The following SLC45A4 variants were observed in gnomAD, a reference collection of about 807,000 sequenced individuals.
The protein encoded by SLC45A4 is solute carrier family 45 member 4.
In SLC45A4, 32 loss-of-function variants were observed where a neutral mutation model predicts 63.7. The observed-to-expected ratio is 0.50, with a 90% CI of 0.38 to 0.67. The LOEUF is 0.67. SLC45A4 is among the 30% of genes least tolerant of loss of function. SLC45A4 has a pLI of 0.00. For missense variants in SLC45A4, 1,027 were observed against 1,157.7 expected (o/e 0.89, Z 1.64); for synonymous variants, 535 against 510.0 (o/e 1.05, Z -0.66).
intron 1 of SLC45A4, among the ~76,000 whole-genome samples, chr8:141,268,710 G>A (rs1432185399): frequency 6.6e-6 from 1 of 152,212 alleles, no homozygotes; most frequent in Non-Finnish European, 1.5e-5. Context: ...GTGTTAGGAA[G>A]AAACCAAAAC....
intron 1 of SLC45A4, among the ~76,000 whole-genome samples, chr8:141,268,820 G>A (rs1407828584): frequency 1.3e-5 from 2 of 152,078 alleles, no homozygotes; most frequent in African/African-American, 2.4e-5. Context: ...GTGTCCTATC[G>A]TGGAGGCGCC....
intron 1 of SLC45A4, among the ~76,000 whole-genome samples, chr8:141,269,594 G>A (rs1004306070): frequency 4.6e-5 from 7 of 151,500 alleles, no homozygotes; most frequent in Admixed American, 1.3e-4. Context: ...GTGTGTGGGT[G>A]TGTCTGTGTA....
chr8:141,264,515 T>C lies in SLC45A4; in HGVS notation c.-400-9886A>G, dbSNP rs546489514. 1.9e-3 allele frequency among the ~76,000 whole-genome samples: 287 copies of C among 152,308 alleles called. No homozygotes were observed. In the Middle Eastern group the frequency reaches 0.027, roughly 14 times the overall value. On this transcript the variant is annotated intron_variant, in intron 1 of 8. Coordinates refer to ENST00000517878, the MANE Select transcript of SLC45A4 (RefSeq NM_001286646.2). ...CAGTGCTGTCCTAATAATTCTCTCATGTTTATTGCCAAGAACTTTATGAGC... is the reference window on the plus strand; with the variant it reads ...CAGTGCTGTCCTAATAATTCTCTCACGTTTATTGCCAAGAACTTTATGAGC...
chr8:141,249,500 A>G (rs997428350), intron 2 of SLC45A4, among the ~76,000 whole-genome samples: 6 of 152,158 alleles, frequency 3.9e-5, no homozygotes, highest in African/African-American at 1.4e-4. Context: ...AGTTACATCA[A>G]TTCCCGAACA....
At chr8:141,304,605 C>T (rs1830846032) in intron 1 of SLC45A4, among the ~76,000 whole-genome samples, 1 of 151,378 alleles carries the variant, frequency 6.6e-6, no homozygotes, top group Admixed American at 6.6e-5. Flanking sequence ...CTCTCCCTCT[C>T]ACCTGAAGTC....
rs1352750756 is a variant in SLC45A4 at position 141,209,221 on chromosome 8, A to C, written c.*2351T>G. ...CGTCTGAGGTACAAGGTTAGAAGCC[A>C]CAGACACCCGAGCTGCAGCCTGACC... On this transcript the variant is annotated 3_prime_UTR_variant, in exon 9 of 9. Transcript: ENST00000517878. The C allele has an allele frequency of 6.6e-6, 1 of 152,316 alleles. No individual in the cohort carries two copies. Among genetic ancestry groups the C allele is most frequent in the African/African-American group, 2.4e-5 (1 of 41,456 alleles). 9.4% of individuals were successfully genotyped at this position (152,316 alleles called of 1,614,324 possible).
At chr8:141,287,878 C>T (rs1383044371) in intron 1 of SLC45A4, among the ~76,000 whole-genome samples, 1 of 152,188 alleles carries the variant, frequency 6.6e-6, no homozygotes, top group Non-Finnish European at 1.5e-5. Context: ...GGGCCAGGGG[C>T]ACCTGGAGGA....
chr8:141,216,721 C>T (rs1327149502), intron 6 of SLC45A4, among the ~76,000 whole-genome samples: 2 of 132,746 alleles, frequency 1.5e-5, no homozygotes, highest in African/African-American at 5.7e-5. Context: ...CAGGGTGAAA[C>T]GTGCTGGGCC....
At chr8:141,253,865 A>G in intron 2 of SLC45A4, 124 bp downstream of exon 2, 1 of 1,420,324 alleles carries the variant, frequency 7.0e-7, no homozygotes, top group Non-Finnish European at 9.3e-7. Context: ...GAGAGGAGAC[A>G]AAGACTCCAG....
Position 141,254,070 on chromosome 8 carries a change from T to C in SLC45A4, c.160A>G (p.Met54Val). Reference protein sequence around the residue: ...IDRIPMRLWVMHGAVMFGREF... With the variant: ...IDRIPMRLWVVHGAVMFGREF... ...CTGCCAAACATCACCGCCCCGTGCA[T>C]CACCCACAGGCGCATGGGGATTCGG... is the stretch of plus-strand genomic sequence containing the variant. The change falls in exon 2 of 9, where the codon ATG becomes GTG. Residue 54 changes from methionine to valine, a missense_variant. By Grantham distance (21) the Met-to-Val change is conservative (BLOSUM62 1). Coordinates refer to ENST00000517878, the MANE Select transcript of SLC45A4 (RefSeq NM_001286646.2). The surrounding 1 kb of genome is among the most constrained non-coding windows in gnomAD (Gnocchi z 4.5). 2.6e-6 allele frequency: 4 copies of C among 1,536,148 alleles called. No individual in the cohort carries two copies. Among genetic ancestry groups the C allele is most frequent in the Non-Finnish European group, 3.5e-6 (4 of 1,146,912 alleles).
At chr8:141,217,727 A>G (rs952681263) in intron 5 of SLC45A4, among the ~76,000 whole-genome samples, 3 of 152,182 alleles carry the variant, frequency 2.0e-5, no homozygotes, top group African/African-American at 7.2e-5. Flanking sequence ...AGTCTGACAC[A>G]CAGTAACAGA....
intron 1 of SLC45A4, among the ~76,000 whole-genome samples, chr8:141,271,384 G>C (rs1829514235): frequency 6.6e-6 from 1 of 152,208 alleles, no homozygotes; most frequent in African/African-American, 2.4e-5. Context: ...CCTCAGACTT[G>C]CCAACAGCTG....
chr8:141,219,979 C>A (rs962812701), intron 3 of SLC45A4, 150 bp from the exon 4 acceptor site: 1 of 754,472 alleles, frequency 1.3e-6, no homozygotes, highest in Non-Finnish European at 2.1e-6. Context: ...CTCTTAGGCA[C>A]AGAGGCAGCG....
chr8:141,282,109 T>C (rs1235922501), intron 1 of SLC45A4, among the ~76,000 whole-genome samples: 1 of 152,080 alleles, frequency 6.6e-6, no homozygotes, highest in Non-Finnish European at 1.5e-5. Flanking sequence ...CCTTTGGAAG[T>C]AGGACGATCG....
At chr8:141,284,760 G>T (rs1404883307) in intron 1 of SLC45A4, among the ~76,000 whole-genome samples, 1 of 152,136 alleles carries the variant, frequency 6.6e-6, no homozygotes, top group Non-Finnish European at 1.5e-5. Flanking sequence ...GTCTGCCTGG[G>T]TCCCATGAAG....
At chr8:141,246,313 A>C (rs1383808892) in intron 2 of SLC45A4, among the ~76,000 whole-genome samples, 1 of 152,170 alleles carries the variant, frequency 6.6e-6, no homozygotes, top group Non-Finnish European at 1.5e-5. Context: ...AGCAACAGTG[A>C]CGGCCACATA....
chr8:141,265,135 T>C (rs1829210659), intron 1 of SLC45A4, among the ~76,000 whole-genome samples: 1 of 152,244 alleles, frequency 6.6e-6, no homozygotes, highest in African/African-American at 2.4e-5. Flanking sequence ...ATTTCCAAAG[T>C]TTATGGACAC....
At chr8:141,296,026 C>T (rs1390882658) in intron 1 of SLC45A4, among the ~76,000 whole-genome samples, 3 of 151,882 alleles carry the variant, frequency 2.0e-5, no homozygotes, top group Non-Finnish European at 4.4e-5. Context: ...GTGAGACCCT[C>T]CCTATATAAA....
rs77768526 is a variant in SLC45A4 at position 141,229,598 on chromosome 8, C to T, written c.242-7833G>A. 1.6e-3 allele frequency among the ~76,000 whole-genome samples: 242 copies of T among 152,232 alleles called. 6 individuals carry two copies. The East Asian group carries it at 0.042, about 27-fold the overall frequency. On this transcript the variant is annotated intron_variant, in intron 2 of 8. Coordinates refer to ENST00000517878, the MANE Select transcript of SLC45A4 (RefSeq NM_001286646.2). This position sits in a 1 kb window ranked among gnomAD's most constrained non-coding sequence, Gnocchi z 5.0. ...CATCCTAGGAGGCTCTCAACAAGCACGTGGCAGGTGACGGCACCCGCAGAC... is the reference window on the plus strand; with the variant it reads ...CATCCTAGGAGGCTCTCAACAAGCATGTGGCAGGTGACGGCACCCGCAGAC...
Sources: gnomAD v4.1 joint callset for allele counts (sites outside exome capture counted in the v4.1 genomes callset) on GRCh38, gnomAD v4.1.1 for gene constraint, Gnocchi (gnomAD v3.1) non-coding constraint, MANE v1.5 for transcripts, NCBI Gene and HGNC (gene_info 2026-07-23, HGNC 2026-07-21) for gene names.